Variants in B3GALT1 observed in about 807,000 individuals in gnomAD.
The protein encoded by B3GALT1 is beta-1,3-galactosyltransferase 1.
B3GALT1 carries 10 observed loss-of-function variants against 23.2 expected under a neutral mutation model. The observed-to-expected ratio is 0.43, with a 90% confidence interval of 0.27 to 0.73. The LOEUF (loss-of-function observed/expected upper bound fraction) is 0.73. Ranked by LOEUF, B3GALT1 falls within the 30% of genes least tolerant of loss-of-function variation. The pLI is 0.21. For synonymous variants in B3GALT1, 156 were observed against 141.5 expected (o/e 1.10, Z -0.73); for missense variants, 299 against 405.4 (o/e 0.74, Z 2.25).
chr2:167,593,256 ATATAT>A (rs1574157207), intron 2 of B3GALT1, among the ~76,000 whole-genome samples: 2 of 152,224 alleles, frequency 1.3e-5, no homozygotes, highest in South Asian at 2.1e-4. Context: ...TACTCATGTG[ATATAT>A]TATACAACAG....
At chr2:167,319,630 G>A (rs1261080198) in intron 1 of B3GALT1, among the ~76,000 whole-genome samples, 1 of 151,912 alleles carries the variant, frequency 6.6e-6, no homozygotes, top group East Asian at 1.9e-4. Flanking sequence ...AAGCAAAAAA[G>A]CAAAACACAT....
Position 167,664,538 on chromosome 2 carries a change from T to A in B3GALT1, c.-352+17572T>A, listed in dbSNP as rs1318871285. 1.2e-4 allele frequency among the ~76,000 whole-genome samples: 18 copies of A among 151,882 alleles called. No homozygotes were observed. The South Asian group carries it at 3.3e-3, about 28-fold the overall frequency. ...CTTGATGGGGATGGCATTGAATCTG[T>A]GAATTACCTTGGGCAGTATGACCAT... On this transcript the variant is annotated intron_variant, in intron 3 of 4. Transcript: ENST00000392690.
chr2:167,570,091 G>C (rs1021593246), intron 2 of B3GALT1, among the ~76,000 whole-genome samples: 4 of 151,714 alleles, frequency 2.6e-5, no homozygotes, highest in African/African-American at 9.7e-5. Context: ...GATAATTTTT[G>C]CTTCTATTTT....
chr2:167,320,535 T>C (rs1696794290), intron 1 of B3GALT1, among the ~76,000 whole-genome samples: 2 of 151,984 alleles, frequency 1.3e-5, no homozygotes, highest in South Asian at 4.1e-4. Flanking sequence ...AATCTAGGCT[T>C]CTAGATTCAT....
At chr2:167,776,169 C>G (rs1266573334) in intron 3 of B3GALT1, among the ~76,000 whole-genome samples, 2 of 152,050 alleles carry the variant, frequency 1.3e-5, no homozygotes, top group Non-Finnish European at 2.9e-5. Flanking sequence ...TGGATATGGT[C>G]TTTCCAATCT....
intron 2 of B3GALT1, among the ~76,000 whole-genome samples, chr2:167,634,841 AACTCATTTTATGAGGCCAGCATCCTG>A: frequency 6.6e-6 from 1 of 152,254 alleles, no homozygotes; most frequent in East Asian, 1.9e-4. Flanking sequence ...AATCCTCCCT[AACTCATTTTATGAGGCCAGCATCCTG>A]ATACCAAAAC....
At chr2:167,477,517 A>C (rs57292438) in intron 1 of B3GALT1, among the ~76,000 whole-genome samples, 1,608 of 152,336 alleles carry the variant, frequency 0.011, 27 homozygotes, top group African/African-American at 0.036. Flanking sequence ...CGATCCTATA[A>C]TAATGCAAAA....
intron 2 of B3GALT1, among the ~76,000 whole-genome samples, chr2:167,634,747 A>T (rs546273622): frequency 1.3e-5 from 2 of 152,290 alleles, no homozygotes; most frequent in Non-Finnish European, 2.9e-5. Context: ...GTCCAGATGG[A>T]TTCACAGCCT....
intron 3 of B3GALT1, chr2:167,716,013 T>A: frequency 6.2e-7 from 1 of 1,610,986 alleles, no homozygotes; most frequent in East Asian, 2.2e-5. Context: ...TCTGCGTAGC[T>A]CCTCCAGGAC....
intron 2 of B3GALT1, among the ~76,000 whole-genome samples, chr2:167,603,876 C>T (rs558493359): frequency 6.9e-6 from 1 of 144,936 alleles, no homozygotes; most frequent in Non-Finnish European, 1.5e-5. Flanking sequence ...AAACTGAAGT[C>T]TTTAAAAGAA....
At chr2:167,453,289 G>T (rs570312616) in intron 1 of B3GALT1, among the ~76,000 whole-genome samples, 1 of 152,208 alleles carries the variant, frequency 6.6e-6, no homozygotes, top group South Asian at 2.1e-4. Flanking sequence ...TGCATTCTGA[G>T]CCCCCATTTT....
chr2:167,824,924 A>C (rs1360726178), intron 4 of B3GALT1, among the ~76,000 whole-genome samples: 1 of 152,116 alleles, frequency 6.6e-6, no homozygotes, highest in South Asian at 2.1e-4. Context: ...CCATAGAGAG[A>C]GATCTCTGAG....
intron 2 of B3GALT1, among the ~76,000 whole-genome samples, chr2:167,498,722 A>T (rs1364709079): frequency 6.6e-6 from 1 of 152,138 alleles, no homozygotes; most frequent in Admixed American, 6.6e-5. Context: ...AGGATTAGTT[A>T]TATGGGACGT....
chr2:167,816,274 C>G (rs1392153328), intron 3 of B3GALT1, among the ~76,000 whole-genome samples: 1 of 152,192 alleles, frequency 6.6e-6, no homozygotes, highest in African/African-American at 2.4e-5. Flanking sequence ...GGACACCCTC[C>G]TTTCCTGCCT....
Position 167,409,753 on chromosome 2 carries a change from G to A in B3GALT1, c.-510-80424G>A, listed in dbSNP as rs369285224. 2.0e-5 allele frequency among the ~76,000 whole-genome samples: 3 copies of A among 151,868 alleles called. No homozygotes were observed. In the East Asian group the frequency reaches 5.9e-4, roughly 30 times the overall value. ...ATACCATCTCATGCCAGTTAGAATG[G>A]CGATCATTAAAAGTCAGGAAACAAC... On this transcript the variant is annotated intron_variant, in intron 1 of 4. Transcript: ENST00000392690.
chr2:167,538,134 T>C (rs1227123316), intron 2 of B3GALT1, among the ~76,000 whole-genome samples: 1 of 152,136 alleles, frequency 6.6e-6, no homozygotes, highest in Non-Finnish European at 1.5e-5. Context: ...TGGATCCTTG[T>C]TCTAAAGTCA....
chr2:167,295,890 T>A (rs976004672), intron 1 of B3GALT1, among the ~76,000 whole-genome samples: 1 of 152,066 alleles, frequency 6.6e-6, no homozygotes, highest in Non-Finnish European at 1.5e-5. Context: ...ATTGTGTCAA[T>A]GGTCATAAAT....
At chr2:167,808,853 C>G (rs1034089145) in intron 3 of B3GALT1, among the ~76,000 whole-genome samples, 1 of 152,188 alleles carries the variant, frequency 6.6e-6, no homozygotes, top group Non-Finnish European at 1.5e-5. Flanking sequence ...TGGGGAAGCT[C>G]TCCTGGATAA....
chr2:167,361,184 CTCTT>C (rs1243388139), intron 1 of B3GALT1, among the ~76,000 whole-genome samples: 2 of 147,402 alleles, frequency 1.4e-5, no homozygotes, highest in Non-Finnish European at 3.0e-5. Context: ...GTTCAGATAT[CTCTT>C]TGATACACTG....
Sources: allele counts gnomAD v4.1 joint callset (sites outside exome capture counted in the v4.1 genomes callset), GRCh38; gene constraint gnomAD v4.1.1; transcripts MANE v1.5; gene names NCBI Gene and HGNC (gene_info 2026-07-23, HGNC 2026-07-21).